Variants in LTA4H observed in about 807,000 individuals in gnomAD.
LTA4H encodes the protein leukotriene A-4 hydrolase.
In LTA4H, 59 loss-of-function variants were observed where a neutral mutation model predicts 89.8. The observed-to-expected ratio is 0.66, with a 90% confidence interval of 0.53 to 0.82. The LOEUF is 0.82. Among genes scored for constraint, LTA4H ranks in the 40% least tolerant of loss-of-function variants. The pLI, the probability that LTA4H is intolerant of heterozygous loss-of-function variation, is 0.00. For missense variants in LTA4H, 617 were observed against 727.0 expected (o/e 0.85, Z 1.74); for synonymous variants, 227 against 253.1 (o/e 0.90, Z 0.98).
chr12:96,003,764 C>T, intron 17 of LTA4H, 74 bp downstream of exon 17: 1 of 972,964 alleles, frequency 1.0e-6, no homozygotes, highest in Non-Finnish European at 1.6e-6. Context: ...TCATACTCTG[C>T]ATTCCCTTTC....
At chr12:96,043,483 T>C in exon 1 of LTA4H, 2 of 698,696 alleles carry the variant, frequency 2.9e-6, no homozygotes, top group Non-Finnish European at 4.9e-6. Flanking sequence ...AACATGCGCC[T>C]GTAGTCCCAG....
chr12:96,018,557 CA>C (rs74742546), intron 8 of LTA4H, among the ~76,000 whole-genome samples: 21 of 145,712 alleles, frequency 1.4e-4, no homozygotes, highest in African/African-American at 3.8e-4. Context: ...CAAAAAACAA[CA>C]AAAAAAAAAT....
At chr12:96,024,631 CT>C in intron 3 of LTA4H, 84 bp from the exon 4 acceptor site, 1 of 834,770 alleles carries the variant, frequency 1.2e-6, no homozygotes, top group Non-Finnish European at 2.0e-6. Flanking sequence ...CAGCATTGTT[CT>C]TAGACATTAA....
chr12:96,006,147 T>G (rs1478281478), intron 16 of LTA4H, among the ~76,000 whole-genome samples, 167 bp downstream of exon 16: 5 of 152,208 alleles, frequency 3.3e-5, no homozygotes, highest in Non-Finnish European at 7.3e-5. Context: ...TAGCACAATA[T>G]AAAACACAGT....
upstream of LTA4H, among the ~76,000 whole-genome samples, chr12:96,035,871 T>C (rs1055109653): frequency 3.3e-5 from 5 of 152,114 alleles, no homozygotes; most frequent in Non-Finnish European, 5.9e-5. Flanking sequence ...GAGATAAAAC[T>C]GAACACTACC....
At chr12:96,041,581 G>A (rs1399767162) in intron 1 of LTA4H, among the ~76,000 whole-genome samples, 2 of 151,848 alleles carry the variant, frequency 1.3e-5, no homozygotes, top group Non-Finnish European at 2.9e-5. Flanking sequence ...AAAGAAATGT[G>A]TATCCCCCTT....
chr12:96,008,904 G>A (rs1265593313), intron 15 of LTA4H, among the ~76,000 whole-genome samples, 190 bp downstream of exon 15: 1 of 152,164 alleles, frequency 6.6e-6, no homozygotes, highest in African/African-American at 2.4e-5. Flanking sequence ...GGGCAACAGA[G>A]CAAGACCCTG....
upstream of LTA4H, among the ~76,000 whole-genome samples, chr12:96,036,120 T>G (rs1243804923): frequency 6.6e-6 from 1 of 152,198 alleles, no homozygotes; most frequent in Non-Finnish European, 1.5e-5. Flanking sequence ...TGTTTTTAGC[T>G]GTAAGTAATT....
Position 96,021,134 on chromosome 12 carries a change from G to A in LTA4H, c.589C>T (p.Pro197Ser), listed in dbSNP as rs773546858. Residue 197 changes from proline (P) to serine (S), a missense_variant, in exon 6 of 19, where the codon CCA becomes TCA. Pro to Ser is a moderately conservative substitution (Grantham distance 74, BLOSUM62 -1). Coordinates refer to ENST00000228740, the MANE Select transcript of LTA4H (RefSeq NM_000895.3). Reference sequence around the variant, plus strand: ...AAAGCAATCAGGTAGCAGGGTATTGGAACCTAAAGAGGGCAAACAAACGCA... The same window carrying A: ...AAAGCAATCAGGTAGCAGGGTATTGAAACCTAAAGAGGGCAAACAAACGCA... ...RKIYKFIQKV[P>S]IPCYLIALVV... is the part of the protein sequence containing the mutation. 7 of 1,593,334 alleles carry A rather than the reference G, an allele frequency of 4.4e-6. No individual in the cohort carries two copies. The highest frequency in any genetic ancestry group is 6.0e-6 in the Non-Finnish European group (7 of 1,174,004).
At chr12:96,043,384 G>A in exon 1 of LTA4H, 2 of 1,503,662 alleles carry the variant, frequency 1.3e-6, no homozygotes, top group South Asian at 2.4e-5. Context: ...ATGGGAGACA[G>A]ATTAGAGGAG....
At chr12:96,038,556 T>A (rs1318841564), upstream of LTA4H, among the ~76,000 whole-genome samples, 1 of 151,786 alleles carries the variant, frequency 6.6e-6, no homozygotes, top group South Asian at 2.1e-4. Flanking sequence ...ATTTTTATAT[T>A]TTTTTAGAGA....
At chr12:96,001,894 G>A (rs774203251) in intron 18 of LTA4H, among the ~76,000 whole-genome samples, 1 of 151,718 alleles carries the variant, frequency 6.6e-6, no homozygotes, top group Non-Finnish European at 1.5e-5. Flanking sequence ...TGTCACCCGG[G>A]CTGGAGGAGC....
intron 9 of LTA4H, 28 bp from the exon 10 acceptor site, chr12:96,017,142 A>C: frequency 6.8e-7 from 1 of 1,461,136 alleles, no homozygotes; most frequent in Non-Finnish European, 9.6e-7. Flanking sequence ...ATTAATAGTA[A>C]GACTGATTAT....
At chr12:96,035,322 C>A in intron 1 of LTA4H, 39 bp downstream of exon 1, 1 of 1,575,814 alleles carries the variant, frequency 6.3e-7, no homozygotes, top group Non-Finnish European at 8.7e-7. Context: ...GGGCAGGGAG[C>A]CCGGGAGAGG....
chr12:96,008,113 T>C (rs1391847265), intron 15 of LTA4H, among the ~76,000 whole-genome samples: 1 of 152,178 alleles, frequency 6.6e-6, no homozygotes, highest in Non-Finnish European at 1.5e-5. Flanking sequence ...ACCTGGGTGA[T>C]GGGATCAATC....
chr12:96,016,386 G>A (rs192314480), intron 10 of LTA4H, among the ~76,000 whole-genome samples: 9 of 151,964 alleles, frequency 5.9e-5, no homozygotes, highest in East Asian at 5.8e-4. Context: ...CGAGGTGGGC[G>A]GATCACTTGA....
chr12:96,031,882 C>A (rs1212807473), intron 1 of LTA4H, among the ~76,000 whole-genome samples: 1 of 152,098 alleles, frequency 6.6e-6, no homozygotes, highest in Non-Finnish European at 1.5e-5. Flanking sequence ...AAGCTTTATG[C>A]CTCATTATGA....
chr12:96,036,018 G>T (rs1016071880), upstream of LTA4H, among the ~76,000 whole-genome samples: 1 of 152,288 alleles, frequency 6.6e-6, no homozygotes, highest in East Asian at 1.9e-4. Flanking sequence ...TCTTTCGTGC[G>T]GTTCCTCGTT....
chr12:96,006,573 T>G (rs1950206910), intron 15 of LTA4H, among the ~76,000 whole-genome samples, 164 bp from the exon 16 acceptor site: 1 of 152,060 alleles, frequency 6.6e-6, no homozygotes, highest in Admixed American at 6.5e-5. Flanking sequence ...TGAGATTGAG[T>G]TACTGTAATT....
Sources: allele counts gnomAD v4.1 joint callset (sites outside exome capture counted in the v4.1 genomes callset), GRCh38; gene constraint gnomAD v4.1.1; transcripts MANE v1.5; gene names NCBI Gene and HGNC (gene_info 2026-07-23, HGNC 2026-07-21).